TANC2: variants seen among roughly 807,000 people sequenced by gnomAD.
The protein encoded by TANC2 is tetratricopeptide repeat, ankyrin repeat and coiled-coil containing 2, also known as protein TANC2.
In TANC2, 26 loss-of-function variants were observed where a neutral mutation model predicts 210.5. That is an observed-to-expected ratio of 0.12 (90% confidence interval 0.09 to 0.17). The LOEUF (loss-of-function observed/expected upper bound fraction) is 0.17. Ranked by LOEUF, TANC2 falls within the 10% of genes least tolerant of loss-of-function variation. The pLI, the probability that TANC2 is intolerant of heterozygous loss-of-function variation, is 1.00. For synonymous variants in TANC2, 931 were observed against 967.1 expected, an observed-to-expected ratio of 0.96 and a Z score of 0.69; for missense variants, 2,129 against 2,608.9, an observed-to-expected ratio of 0.82 and a Z score of 4.01.
intron 1 of TANC2, among the ~76,000 whole-genome samples, chr17:63,002,825 C>G (rs892595723): frequency 1.5e-4 from 23 of 152,094 alleles, no homozygotes; most frequent in African/African-American, 5.6e-4. Flanking sequence ...TAGTTCATTC[C>G]TTTTTCTTGC....
chr17:63,094,378 G>A (rs1450561440), intron 3 of TANC2, among the ~76,000 whole-genome samples: 1 of 151,846 alleles, frequency 6.6e-6, no homozygotes, highest in Non-Finnish European at 1.5e-5. Flanking sequence ...ATGCAAAATC[G>A]CTTTGTCTTT....
At chr17:63,279,923 T>C (rs966074682) in intron 9 of TANC2, among the ~76,000 whole-genome samples, 2 of 152,082 alleles carry the variant, frequency 1.3e-5, no homozygotes, top group African/African-American at 4.8e-5. Context: ...TCATTGACCC[T>C]GTTTTTTACG....
chr17:63,255,729 C>A (rs905043213), intron 8 of TANC2, among the ~76,000 whole-genome samples: 31 of 151,672 alleles, frequency 2.0e-4, no homozygotes, highest in Non-Finnish European at 4.3e-4. Context: ...AAAAGTTTGT[C>A]AATTTTATCT....
intron 4 of TANC2, among the ~76,000 whole-genome samples, chr17:63,108,445 T>C (rs1264859055): frequency 6.6e-6 from 1 of 151,812 alleles, no homozygotes; most frequent in Non-Finnish European, 1.5e-5. Context: ...CAGCCGAGTG[T>C]AGAACCTCAT....
At chr17:62,968,369 A>G (rs1051126908) in intron 1 of TANC2, 4 of 152,248 alleles carry the variant, frequency 2.6e-5, no homozygotes, top group African/African-American at 4.8e-5. Context: ...ATAATCTGAA[A>G]ATTCATACTG....
At chr17:63,400,839 G>A (rs1445618925) in intron 19 of TANC2, among the ~76,000 whole-genome samples, 1 of 150,092 alleles carries the variant, frequency 6.7e-6, no homozygotes, top group Non-Finnish European at 1.5e-5. Flanking sequence ...TTTTAGTAAA[G>A]ATGGGGTTTC....
At chr17:63,410,200 T>C (rs1448743710) in intron 21 of TANC2, among the ~76,000 whole-genome samples, 1 of 152,194 alleles carries the variant, frequency 6.6e-6, no homozygotes, top group Non-Finnish European at 1.5e-5. Flanking sequence ...AAGTATATAT[T>C]GTTATTAACT....
chr17:63,003,436 G>T (rs562889598), intron 1 of TANC2, among the ~76,000 whole-genome samples: 1 of 152,274 alleles, frequency 6.6e-6, no homozygotes, highest in South Asian at 2.1e-4. Context: ...TGCAGTAACT[G>T]ATCTGATAAC....
At position 63,161,775 on chromosome 17, in the gene TANC2, T is replaced by C. The variant is rs187597847; in HGVS notation, c.433+10395T>C. Among the ~76,000 whole-genome samples the C allele has an allele frequency of 1.2e-3, 180 of 152,286 alleles. 1 individual carries two copies. The highest frequency in any genetic ancestry group is 4.2e-3 in the African/African-American group (173 of 41,560). On this transcript the variant is annotated intron_variant, in intron 5 of 27. Coordinates refer to ENST00000689528, the Ensembl canonical transcript of TANC2. ...CTCTGCTGTCATCACCAGATTTACT[T>C]TGATGACCTCTAAGACCCTGCTCAA...
chr17:63,353,444 A>C (rs2046681433), intron 13 of TANC2, among the ~76,000 whole-genome samples: 1 of 152,164 alleles, frequency 6.6e-6, no homozygotes, highest in Non-Finnish European at 1.5e-5. Flanking sequence ...CGGGGGACAA[A>C]ATTAAGTACT....
chr17:63,030,334 A>G (rs2034718370), intron 2 of TANC2, among the ~76,000 whole-genome samples: 1 of 152,176 alleles, frequency 6.6e-6, no homozygotes, highest in South Asian at 2.1e-4. Flanking sequence ...GAATTCCAGC[A>G]GTAGAACAAT....
intron 7 of TANC2, among the ~76,000 whole-genome samples, chr17:63,235,177 T>A (rs772369493): frequency 8.9e-4 from 135 of 152,274 alleles, no homozygotes; most frequent in Non-Finnish European, 1.8e-3. Flanking sequence ...AAAGATTTTC[T>A]GAGTTTCAGA....
chr17:63,290,872 G>T (rs1360593146), intron 9 of TANC2, among the ~76,000 whole-genome samples: 1 of 152,056 alleles, frequency 6.6e-6, no homozygotes, highest in Non-Finnish European at 1.5e-5. Flanking sequence ...AATGCATATT[G>T]TACTTACAAT....
rs540890562 is a variant in TANC2, at chr17:63,198,652, C to T, written c.583-2119C>T. Among the ~76,000 whole-genome samples the T allele has an allele frequency of 7.2e-5, 11 of 152,114 alleles. No individual in the cohort carries two copies. The East Asian group carries it at 2.1e-3, about 29-fold the overall frequency. ...GGATTCCAATTCCAATTCAATAAGT[C>T]TGGAGTGGGGGCTCAGTATCTGTCA... On this transcript the variant is annotated intron_variant, in intron 6 of 27. Coordinates refer to ENST00000689528, the Ensembl canonical transcript of TANC2.
intron 1 of TANC2, among the ~76,000 whole-genome samples, chr17:63,000,692 G>C (rs999100132): frequency 6.6e-6 from 1 of 152,168 alleles, no homozygotes. Flanking sequence ...TGTATCTGAT[G>C]ATTCCTCCTG....
chr17:63,228,318 T>G (rs1052285186), intron 7 of TANC2, among the ~76,000 whole-genome samples: 2 of 152,190 alleles, frequency 1.3e-5, no homozygotes, highest in African/African-American at 4.8e-5. Context: ...TACCATGCTG[T>G]TTTGGTTACT....
chr17:63,406,365 C>A, intron 21 of TANC2, 88 bp downstream of exon 21: 1 of 1,559,310 alleles, frequency 6.4e-7, no homozygotes, highest in Non-Finnish European at 8.7e-7. Context: ...CCAGGAGATG[C>A]TAAGAACAGA....
At chr17:63,253,069 A>T (rs1380595267) in intron 8 of TANC2, among the ~76,000 whole-genome samples, 6 of 149,430 alleles carry the variant, frequency 4.0e-5, no homozygotes, top group Non-Finnish European at 8.8e-5. Flanking sequence ...CCTAATTTAC[A>T]TTCCTACTGA....
At chr17:62,998,818 A>G (rs1312305650) in intron 1 of TANC2, among the ~76,000 whole-genome samples, 1 of 152,234 alleles carries the variant, frequency 6.6e-6, no homozygotes, top group Non-Finnish European at 1.5e-5. Flanking sequence ...GTACATAGAC[A>G]GTTGACACTG....
Sources: gnomAD v4.1 joint callset for allele counts (sites outside exome capture counted in the v4.1 genomes callset) on GRCh38, gnomAD v4.1.1 for gene constraint, MANE v1.5 for transcripts, NCBI Gene and HGNC (gene_info 2026-07-23, HGNC 2026-07-21) for gene names.